MTUS2: variants seen among roughly 807,000 people sequenced by gnomAD.
MTUS2 encodes microtubule-associated tumor suppressor candidate 2.
Under a neutral mutation model 114.1 loss-of-function variants are expected in MTUS2, and 40 were observed. The observed-to-expected ratio is 0.35, with a 90% CI of 0.27 to 0.46. The LOEUF (loss-of-function observed/expected upper bound fraction) is 0.46. Ranked by LOEUF, MTUS2 falls within the 20% of genes least tolerant of loss-of-function variation. MTUS2 has a pLI of 1.00. For synonymous variants in MTUS2, 688 were observed against 672.0 expected (o/e 1.02, Z -0.37); for missense variants, 1,679 against 1,705.4 (o/e 0.98, Z 0.27).
Position 28,945,178 on chromosome 13 carries a change from A to ATT in MTUS2, c.-242-79278_-242-79277dup, listed in dbSNP as rs979760379. Reference sequence around the variant, plus strand: ...GTTTTTTATGGATGAGTAGTATTCCATTATATATATATATATACACCACAT... The same window carrying ATT: ...GTTTTTTATGGATGAGTAGTATTCCATTTTATATATATATATATACACCACAT... On this transcript the variant is annotated intron_variant, in intron 2 of 15. Transcript: ENST00000612955. Among the ~76,000 whole-genome samples the ATT allele has an allele frequency of 6.1e-3, 322 of 52,410 alleles. 1 individual carries two copies. Among genetic ancestry groups the ATT allele is most frequent in the African/African-American group, 0.012 (273 of 22,792 alleles). The allele number at this position is 52,410 out of a possible 152,430, so 34.4% of individuals were successfully genotyped here.
intron 9 of MTUS2, among the ~76,000 whole-genome samples, chr13:29,462,551 G>C (rs554509787): frequency 6.6e-6 from 1 of 152,136 alleles, no homozygotes; most frequent in African/African-American, 2.4e-5. Flanking sequence ...CCAAATTCCA[G>C]ATGTAGTGAA....
intron 6 of MTUS2, among the ~76,000 whole-genome samples, chr13:29,296,420 A>G (rs933681494): frequency 6.6e-6 from 1 of 151,962 alleles, no homozygotes; most frequent in Non-Finnish European, 1.5e-5. Flanking sequence ...TACATTGTCC[A>G]GGCTGGTCTT....
At chr13:29,315,432 A>G (rs887619454) in intron 6 of MTUS2, among the ~76,000 whole-genome samples, 1 of 152,210 alleles carries the variant, frequency 6.6e-6, no homozygotes. Flanking sequence ...TCTGTACCCC[A>G]TACATATGTA....
chr13:29,354,164 C>A (rs1354345138), intron 7 of MTUS2, among the ~76,000 whole-genome samples: 2 of 151,806 alleles, frequency 1.3e-5, no homozygotes, highest in Non-Finnish European at 2.9e-5. Flanking sequence ...TGTTTGTTTT[C>A]TGACTCTCAG....
intron 1 of MTUS2, among the ~76,000 whole-genome samples, chr13:28,826,930 G>T (rs545877159): frequency 6.6e-6 from 1 of 152,276 alleles, no homozygotes; most frequent in East Asian, 1.9e-4. Context: ...CTGTAAATAC[G>T]GGAGAAGTAA....
intron 8 of MTUS2, among the ~76,000 whole-genome samples, chr13:29,374,473 A>G (rs1359924943): frequency 6.6e-6 from 1 of 152,258 alleles, no homozygotes; most frequent in African/African-American, 2.4e-5. Context: ...CCTATCGGGG[A>G]ACAACAATTC....
At chr13:29,366,258 A>G (rs11147384) in intron 8 of MTUS2, among the ~76,000 whole-genome samples, 75,440 of 152,116 alleles carry the variant, frequency 0.5, 20,298 homozygotes, top group East Asian at 0.66. Flanking sequence ...CACATCTCAC[A>G]TGGCGGCAGA....
chr13:29,208,860 A>C (rs1895302699), intron 5 of MTUS2, among the ~76,000 whole-genome samples: 1 of 152,252 alleles, frequency 6.6e-6, no homozygotes, highest in East Asian at 1.9e-4. Context: ...CATGTACTCT[A>C]TCTTGGAGAA....
At chr13:29,498,576 A>G (rs1471103250) in intron 14 of MTUS2, 39 bp downstream of exon 14, 1 of 1,612,152 alleles carries the variant, frequency 6.2e-7, no homozygotes, top group Admixed American at 1.7e-5. Context: ...AACCTCCATG[A>G]CATTCCTGCT....
At chr13:29,257,007 A>G (rs996062175) in intron 5 of MTUS2, among the ~76,000 whole-genome samples, 3 of 152,136 alleles carry the variant, frequency 2.0e-5, no homozygotes, top group African/African-American at 4.8e-5. Context: ...GGACCTCGGT[A>G]TTCTTTACTA....
At chr13:29,348,746 A>G (rs1162246555) in intron 7 of MTUS2, among the ~76,000 whole-genome samples, 1 of 152,216 alleles carries the variant, frequency 6.6e-6, no homozygotes. Flanking sequence ...TGTAAGGTAT[A>G]TAAAGTTTTA....
intron 9 of MTUS2, among the ~76,000 whole-genome samples, chr13:29,441,202 A>AC (rs1005810868): frequency 6.6e-6 from 1 of 151,686 alleles, no homozygotes; most frequent in African/African-American, 2.4e-5. Context: ...CTTCTCCCCC[A>AC]CCAGGAGAAG....
intron 1 of MTUS2, among the ~76,000 whole-genome samples, chr13:28,825,919 C>T (rs1283271568): frequency 6.6e-6 from 1 of 152,142 alleles, no homozygotes; most frequent in Non-Finnish European, 1.5e-5. Flanking sequence ...GTTCCTGACT[C>T]TTCTCTGTGC....
chr13:29,236,364 TA>T (rs1470205591), intron 5 of MTUS2, among the ~76,000 whole-genome samples: 1 of 152,050 alleles, frequency 6.6e-6, no homozygotes, highest in Non-Finnish European at 1.5e-5. Context: ...TTTTTGGGAG[TA>T]TAAGGACACA....
At chr13:29,366,554 G>T (rs1021490711) in intron 8 of MTUS2, among the ~76,000 whole-genome samples, 3 of 152,184 alleles carry the variant, frequency 2.0e-5, no homozygotes, top group African/African-American at 4.8e-5. Context: ...AAAGTGCTCT[G>T]CCCTTCCTCA....
chr13:28,991,777 T>C lies in MTUS2; in HGVS notation c.-242-32680T>C, dbSNP rs531096307. ...CTACTTCTTATCCTTTTTCCCTCCT[T>C]CCCCTTTGTTTAAAGGTCCTGGGTT... On this transcript the variant is annotated intron_variant, in intron 2 of 15. Coordinates refer to ENST00000612955, the MANE Select transcript of MTUS2 (RefSeq NM_001033602.4). Among the ~76,000 whole-genome samples the C allele has an allele frequency of 9.2e-5, 14 of 152,266 alleles. No homozygotes were observed. The East Asian group carries it at 2.5e-3, about 27-fold the overall frequency.
intron 5 of MTUS2, among the ~76,000 whole-genome samples, chr13:29,238,280 G>T (rs1896610734): frequency 6.6e-6 from 1 of 152,192 alleles, no homozygotes; most frequent in African/African-American, 2.4e-5. Context: ...TCTCTAGAGG[G>T]ACAGAACTAA....
chr13:29,427,851 A>G (rs1475399116), intron 8 of MTUS2, among the ~76,000 whole-genome samples: 1 of 152,234 alleles, frequency 6.6e-6, no homozygotes, highest in Non-Finnish European at 1.5e-5. Flanking sequence ...AAAATCAATC[A>G]TGTAAATATT....
At chr13:29,450,100 G>T (rs73444059) in intron 9 of MTUS2, among the ~76,000 whole-genome samples, 6,037 of 152,230 alleles carry the variant, frequency 0.04, 377 homozygotes, top group African/African-American at 0.14. Context: ...GTGGCAGGCT[G>T]GAAGAAGGAA....
Sources: gnomAD v4.1 joint callset for allele counts (sites outside exome capture counted in the v4.1 genomes callset) on GRCh38, gnomAD v4.1.1 for gene constraint, MANE v1.5 for transcripts, NCBI Gene and HGNC (gene_info 2026-07-23, HGNC 2026-07-21) for gene names.